Variants in SKAP2 observed in about 807,000 individuals in gnomAD.
The protein encoded by SKAP2 is src kinase-associated phosphoprotein 2.
A neutral mutation model predicts 54.9 loss-of-function variants in SKAP2; 28 were observed. The ratio of observed to expected loss-of-function variants is 0.51; its 90% CI spans 0.38 to 0.70. The LOEUF (loss-of-function observed/expected upper bound fraction) is 0.70. Among genes scored for constraint, SKAP2 ranks in the 30% least tolerant of loss-of-function variants. SKAP2 has a pLI of 0.00. For synonymous variants in SKAP2, 137 were observed against 134.3 expected, an observed-to-expected ratio of 1.02 and a Z score of -0.14; for missense variants, 356 against 424.1, an observed-to-expected ratio of 0.84 and a Z score of 1.41.
At chr7:26,840,254 G>C (rs1784793629) in intron 4 of SKAP2, among the ~76,000 whole-genome samples, 2 of 152,022 alleles carry the variant, frequency 1.3e-5, no homozygotes, top group Non-Finnish European at 2.9e-5. Context: ...TATCCACAAA[G>C]TGATTATGGT....
In SKAP2 at chr7:26,783,800, G is replaced by A. The variant is rs1352526233; in HGVS notation, c.308-43836C>T. On this transcript the variant is annotated intron_variant, in intron 4 of 12. Transcript: ENST00000345317. ...CACTCTGGGGCCTGTTGTGAGGTGG[G>A]GGGAGCGGGGAGGGATAGCTTTAGG... Among the ~76,000 whole-genome samples the A allele has an allele frequency of 4.6e-5, 7 of 152,170 alleles. No homozygotes were observed. In the South Asian group the frequency reaches 8.3e-4, roughly 18 times the overall value.
At chr7:26,730,249 A>G (rs78148288) in intron 6 of SKAP2, among the ~76,000 whole-genome samples, 2 of 152,204 alleles carry the variant, frequency 1.3e-5, no homozygotes, top group African/African-American at 4.8e-5. Flanking sequence ...TAGTTCCACA[A>G]TTGCTTTTTG....
intron 4 of SKAP2, among the ~76,000 whole-genome samples, chr7:26,817,991 T>A (rs1784307944): frequency 2.0e-5 from 3 of 152,090 alleles, no homozygotes; most frequent in Admixed American, 1.3e-4. Flanking sequence ...AGAATCAATA[T>A]CATGAAAATG....
At chr7:26,844,580 A>G (rs568189695) in intron 3 of SKAP2, among the ~76,000 whole-genome samples, 2 of 152,310 alleles carry the variant, frequency 1.3e-5, no homozygotes, top group Non-Finnish European at 2.9e-5. Context: ...TTGAAAAATT[A>G]TGATGAGAAA....
intron 4 of SKAP2, among the ~76,000 whole-genome samples, chr7:26,819,384 A>G (rs1380566890): frequency 6.6e-6 from 1 of 152,018 alleles, no homozygotes; most frequent in African/African-American, 2.4e-5. Flanking sequence ...ACATGGACAC[A>G]AGGAAGGGAA....
intron 4 of SKAP2, among the ~76,000 whole-genome samples, chr7:26,758,235 T>G (rs1262981542): frequency 6.7e-6 from 1 of 149,912 alleles, no homozygotes; most frequent in African/African-American, 2.4e-5. Flanking sequence ...AGGGAACAAC[T>G]TCGTTATAAG....
At chr7:26,757,078 T>C (rs186390826) in intron 4 of SKAP2, among the ~76,000 whole-genome samples, 3 of 152,362 alleles carry the variant, frequency 2.0e-5, no homozygotes, top group African/African-American at 7.2e-5. Context: ...ATTAGCCCTT[T>C]GTCGGATGAG....
chr7:26,660,260 T>C, the SKAP2 span, among the ~76,000 whole-genome samples: 1 of 152,118 alleles, frequency 6.6e-6, no homozygotes, highest in African/African-American at 2.4e-5. Context: ...AGATTTTCAG[T>C]TATGCAAAAA....
intron 4 of SKAP2, among the ~76,000 whole-genome samples, chr7:26,793,538 TA>T (rs1783712077): frequency 6.6e-6 from 1 of 152,196 alleles, no homozygotes; most frequent in Admixed American, 6.5e-5. Flanking sequence ...TTAAACAATA[TA>T]AATAGTAATT....
intron 9 of SKAP2, among the ~76,000 whole-genome samples, chr7:26,708,338 C>A (rs1787214600): frequency 6.6e-6 from 1 of 152,062 alleles, no homozygotes; most frequent in Non-Finnish European, 1.5e-5. Flanking sequence ...TCCACCACTT[C>A]CTTTGGAAAG....
chr7:26,853,203 C>T (rs1293384601), intron 3 of SKAP2, among the ~76,000 whole-genome samples: 1 of 152,104 alleles, frequency 6.6e-6, no homozygotes, highest in Non-Finnish European at 1.5e-5. Context: ...GAAACTGTTA[C>T]CACCTTCTCA....
Position 26,820,703 on chromosome 7 carries a change from T to C in SKAP2, c.307+23327A>G, listed in dbSNP as rs573630831. On this transcript the variant is annotated intron_variant, in intron 4 of 12. Coordinates refer to ENST00000345317, the MANE Select transcript of SKAP2 (RefSeq NM_003930.5). Reference sequence around the variant, plus strand: ...CCATATTTATTAGCAAAAAGTTGAATATTAAATCATAAAAATAATCAGTTA... The same window carrying C: ...CCATATTTATTAGCAAAAAGTTGAACATTAAATCATAAAAATAATCAGTTA... Among the ~76,000 whole-genome samples the C allele has an allele frequency of 6.0e-5, 9 of 148,882 alleles. 1 individual carries two copies. In the South Asian group the frequency reaches 1.9e-3, roughly 32 times the overall value.
At chr7:26,857,159 T>C (rs1338162768) in intron 1 of SKAP2, among the ~76,000 whole-genome samples, 2 of 149,998 alleles carry the variant, frequency 1.3e-5, no homozygotes, top group East Asian at 1.9e-4. Flanking sequence ...ATGGTCTTTT[T>C]TTTTTTTTTT....
chr7:26,660,555 AGC>A, the SKAP2 span, among the ~76,000 whole-genome samples: 4 of 152,182 alleles, frequency 2.6e-5, 1 homozygote, highest in South Asian at 8.3e-4. Context: ...GTATACTTAT[AGC>A]TTGAAATTCT....
chr7:26,732,709 G>C lies in SKAP2; in HGVS notation c.470-5703C>G, dbSNP rs538257709. On this transcript the variant is annotated intron_variant, in intron 6 of 12. Transcript: ENST00000345317. ...TCAAACTGACTAGCAAGATGTTCCA[G>C]CTCCTCAGTTAAAGATATATGAACA... Among the ~76,000 whole-genome samples the C allele has an allele frequency of 4.6e-5, 7 of 152,256 alleles. No homozygotes were observed. In the South Asian group the frequency reaches 1.2e-3, roughly 27 times the overall value.
intron 4 of SKAP2, among the ~76,000 whole-genome samples, chr7:26,784,662 C>T (rs995381469): frequency 1.3e-5 from 2 of 152,220 alleles, no homozygotes; most frequent in African/African-American, 4.8e-5. Context: ...ATGATCAACA[C>T]AGGCATCTTC....
At chr7:26,757,141 T>C (rs1201260054) in intron 4 of SKAP2, among the ~76,000 whole-genome samples, 3 of 152,196 alleles carry the variant, frequency 2.0e-5, no homozygotes, top group Admixed American at 6.5e-5. Context: ...ACTCTGATGG[T>C]AGTTTCTTTT....
At chr7:26,832,539 C>A (rs577472546) in intron 4 of SKAP2, among the ~76,000 whole-genome samples, 108 of 152,216 alleles carry the variant, frequency 7.1e-4, no homozygotes, top group African/African-American at 2.6e-3. Flanking sequence ...AAGAATAAAG[C>A]CTTGAGCCAG....
chr7:26,674,378 C>G (rs1043006538), intron 11 of SKAP2, among the ~76,000 whole-genome samples: 4 of 152,100 alleles, frequency 2.6e-5, no homozygotes, highest in Non-Finnish European at 5.9e-5. Context: ...TGTATAAATA[C>G]TTTCATCAAG....
Sources: gnomAD v4.1 joint callset for allele counts (sites outside exome capture counted in the v4.1 genomes callset) on GRCh38, gnomAD v4.1.1 for gene constraint, MANE v1.5 for transcripts, NCBI Gene and HGNC (gene_info 2026-07-23, HGNC 2026-07-21) for gene names.